The following NSD1 variants were observed in gnomAD, a reference collection of about 807,000 sequenced individuals.
The protein encoded by NSD1 is nuclear receptor binding SET domain protein 1.
A neutral mutation model predicts 242.7 loss-of-function variants in NSD1; 26 were observed. The observed-to-expected ratio is 0.11, with a 90% CI of 0.08 to 0.15. The LOEUF is 0.15. Ranked by LOEUF, NSD1 falls within the 10% of genes least tolerant of loss-of-function variation. The pLI is 1.00. For missense variants in NSD1, 2,495 were observed against 3,272.8 expected (o/e 0.76, Z 5.80); for synonymous variants, 1,106 against 1,178.1 (o/e 0.94, Z 1.25).
chr5:177,211,843 C>G lies in NSD1; in HGVS notation c.3444C>G (p.Leu1148=), dbSNP rs749212691. ...TAATGAACAGTGAGAATGATGAACT[C>G]AATGGTGTAAATCAAGTGGTGCCTA... ...DSVMNSENDE[L]NGVNQVVPKK... is the part of the protein sequence containing the mutation. The change falls in exon 5 of 23, where the codon CTC becomes CTG. Residue 1148 remains leucine (L), a synonymous_variant. Transcript: ENST00000439151. The G allele has an allele frequency of 2.5e-6, 4 of 1,613,916 alleles. No homozygotes were observed. Among genetic ancestry groups the G allele is most frequent in the Admixed American group, 3.3e-5 (2 of 59,956 alleles).
In NSD1 at chr5:177,134,967, G is replaced by T. The variant is rs772754236; in HGVS notation, c.-17-120G>T. On this transcript the variant is annotated intron_variant, in intron 1 of 22. Coordinates refer to ENST00000439151, the MANE Select transcript of NSD1 (RefSeq NM_022455.5). This position sits in a 1 kb window ranked among gnomAD's most constrained non-coding sequence, Gnocchi z 4.2. ...ATCTCCAGTCGGGGGAACTTTTTCT[G>T]CCCATGGAAGTGCAGCAGAAAGGCA... is the stretch of plus-strand genomic sequence containing the variant. 15 of 850,338 alleles carry T rather than the reference G, an allele frequency of 1.8e-5. No homozygotes were observed. Among genetic ancestry groups the T allele is most frequent in the Non-Finnish European group, 2.6e-5 (14 of 529,206 alleles). 52.7% of individuals were successfully genotyped at this position (850,338 alleles called of 1,614,324 possible).
At chr5:177,289,392 G>A (rs745937200) in intron 21 of NSD1, among the ~76,000 whole-genome samples, 2 of 152,038 alleles carry the variant, frequency 1.3e-5, no homozygotes, top group African/African-American at 4.8e-5. Context: ...CTAAGCATTC[G>A]GCTGATCAAT....
intron 5 of NSD1, among the ~76,000 whole-genome samples, chr5:177,218,058 A>G (rs1763926070): frequency 6.6e-6 from 1 of 151,952 alleles, no homozygotes; most frequent in Non-Finnish European, 1.5e-5. Flanking sequence ...GACTACAGCC[A>G]TGCACCACCA....
chr5:177,163,071 T>G (rs953277406), intron 2 of NSD1, among the ~76,000 whole-genome samples: 1 of 152,062 alleles, frequency 6.6e-6, no homozygotes, highest in Non-Finnish European at 1.5e-5. Context: ...AAAGTAAATG[T>G]GAAATAATTA....
At position 177,210,009 on chromosome 5, in the gene NSD1, T is replaced by C. The variant is rs1763204436; in HGVS notation, c.1610T>C (p.Phe537Ser). ...GKIPENLGLN[F>S]ISGDISDTQA... is the part of the protein sequence containing the mutation. ...ATTCCAGAGAACCTTGGCCTAAACTTTATCTCTGGGGATATATCTGATACG... is the reference window on the plus strand; with the variant it reads ...ATTCCAGAGAACCTTGGCCTAAACTCTATCTCTGGGGATATATCTGATACG... Residue 537 changes from phenylalanine to serine, a missense_variant, in exon 5 of 23, where the codon TTT becomes TCT. By Grantham distance (155) the Phe-to-Ser change is radical. Coordinates refer to ENST00000439151, the MANE Select transcript of NSD1 (RefSeq NM_022455.5). 1 of 1,614,140 alleles carries C rather than the reference T, an allele frequency of 6.2e-7. No homozygotes were observed. Among genetic ancestry groups the C allele is most frequent in the African/African-American group, 1.3e-5 (1 of 75,036 alleles).
At chr5:177,212,249 A>G (rs1763404849) in intron 5 of NSD1, 54 bp downstream of exon 5, 7 of 1,557,848 alleles carry the variant, frequency 4.5e-6, no homozygotes, top group Non-Finnish European at 6.1e-6. Context: ...GTGCTGATAA[A>G]CATTGTCCTT....
intron 9 of NSD1, among the ~76,000 whole-genome samples, chr5:177,245,149 C>G (rs1766178237): frequency 6.6e-6 from 1 of 152,098 alleles, no homozygotes; most frequent in Non-Finnish European, 1.5e-5. Flanking sequence ...AGGAACGATC[C>G]CTTGAACCCG....
intron 2 of NSD1, among the ~76,000 whole-genome samples, chr5:177,177,321 C>G (rs748814554): frequency 2.6e-5 from 4 of 152,018 alleles, no homozygotes; most frequent in Non-Finnish European, 5.9e-5. Flanking sequence ...TCAAGACCAG[C>G]CTTGCCAACC....
chr5:177,191,074 C>A (rs1367128251), intron 2 of NSD1, among the ~76,000 whole-genome samples: 1 of 149,766 alleles, frequency 6.7e-6, no homozygotes. Flanking sequence ...TCAAGCGATT[C>A]TCCTGTCTCA....
rs750331734 is a variant in NSD1 at position 177,209,657 on chromosome 5, A to G, written c.1258A>G (p.Lys420Glu). The G allele has an allele frequency of 6.2e-7, 1 of 1,614,022 alleles. No homozygotes were observed. The highest frequency in any genetic ancestry group is 8.5e-7 in the Non-Finnish European group (1 of 1,179,900). ...TAAGGTTCCTCAGAAAATTTTGAGTAAATGGGAAGCCAGTGTTGGACTTGC... is the reference window on the plus strand; with the variant it reads ...TAAGGTTCCTCAGAAAATTTTGAGTGAATGGGAAGCCAGTGTTGGACTTGC... ...RHKVPQKILS[K>E]WEASVGLAEQ... Residue 420 changes from lysine (K) to glutamate (E), a missense_variant, in exon 5 of 23, where the codon AAA becomes GAA. Physicochemically the swap from Lys to Glu is moderately conservative, Grantham distance 56. Coordinates refer to ENST00000439151, the MANE Select transcript of NSD1 (RefSeq NM_022455.5).
rs915736299 is a variant in NSD1 at position 177,297,488 on chromosome 5, T to A, written c.*2029T>A. ...CTAGTAGGTCCCTTTCCCTAATCTT[T>A]TAGGTCATATGAGTAGGGTTTGCTT... is the stretch of plus-strand genomic sequence containing the variant. On this transcript the variant is annotated 3_prime_UTR_variant, in exon 23 of 23. Coordinates refer to ENST00000439151, the MANE Select transcript of NSD1 (RefSeq NM_022455.5). 1 of 229,850 alleles carries A rather than the reference T, an allele frequency of 4.4e-6. No homozygotes were observed. Among genetic ancestry groups the A allele is most frequent in the Non-Finnish European group, 8.6e-6 (1 of 116,030 alleles). The allele number at this position is 229,850 out of a possible 1,614,324, so 14.2% of individuals were successfully genotyped here.
At chr5:177,268,502 A>G (rs957721361) in intron 15 of NSD1, among the ~76,000 whole-genome samples, 1 of 152,142 alleles carries the variant, frequency 6.6e-6, no homozygotes, top group African/African-American at 2.4e-5. Context: ...ATATATTTTG[A>G]TTGAATATGG....
Position 177,288,920 on chromosome 5 carries a change from C to T in NSD1, c.6253C>T (p.Pro2085Ser). Reference protein sequence around the residue: ...PNCSGFLGVRPKNQPIATEEK... With the variant: ...PNCSGFLGVRSKNQPIATEEK... ...CTGCAGTGGCTTCTTGGGTGTAAGG[C>T]CAAAGGTACCACCCTTCTAGACTTC... Residue 2085 changes from proline to serine, a missense_variant, in exon 21 of 23, where the codon CCA becomes TCA. By Grantham distance (74) the Pro-to-Ser change is moderately conservative. Around this residue, in one of 19 missense-constraint regions of NSD1, gnomAD observed 26 missense variants for 119.1 expected, o/e 0.22. Coordinates refer to ENST00000439151, the MANE Select transcript of NSD1 (RefSeq NM_022455.5). The T allele has an allele frequency of 6.2e-7, 1 of 1,611,034 alleles. No individual in the cohort carries two copies. The highest frequency in any genetic ancestry group is 8.5e-7 in the Non-Finnish European group (1 of 1,177,218).
chr5:177,270,059 C>T (rs1219154398), intron 16 of NSD1, among the ~76,000 whole-genome samples: 1 of 152,126 alleles, frequency 6.6e-6, no homozygotes, highest in Non-Finnish European at 1.5e-5. Context: ...AGCATTCCAT[C>T]AAATAATGGA....
At chr5:177,167,139 G>C (rs1759271252) in intron 2 of NSD1, among the ~76,000 whole-genome samples, 1 of 152,136 alleles carries the variant, frequency 6.6e-6, no homozygotes, top group Non-Finnish European at 1.5e-5. Flanking sequence ...GTGTTGAAGA[G>C]ACTATTATTC....
chr5:177,238,198 T>C lies in NSD1; in HGVS notation c.3922-39T>C. On this transcript the variant is annotated intron_variant, in intron 6 of 22. Coordinates refer to ENST00000439151, the MANE Select transcript of NSD1 (RefSeq NM_022455.5). The surrounding 1 kb of genome is among the most constrained non-coding windows in gnomAD (Gnocchi z 4.6). ...CTTTTTGACACTTAAATTACAACAA[T>C]TTTGGCCTGTGGACTCTATTTTTAT... 1.2e-6 allele frequency: 2 copies of C among 1,611,988 alleles called. No homozygotes were observed. Among genetic ancestry groups the C allele is most frequent in the South Asian group, 2.2e-5 (2 of 91,024 alleles).
At chr5:177,242,393 TGAG>T (rs1347340575) in intron 8 of NSD1, among the ~76,000 whole-genome samples, 5 of 152,120 alleles carry the variant, frequency 3.3e-5, no homozygotes, top group Non-Finnish European at 7.4e-5. Flanking sequence ...ATAGTGAACG[TGAG>T]GAGAATTGCA....
At chr5:177,181,192 G>A (rs1036598239) in intron 2 of NSD1, among the ~76,000 whole-genome samples, 1 of 151,838 alleles carries the variant, frequency 6.6e-6, no homozygotes, top group Non-Finnish European at 1.5e-5. Context: ...ACCAAAGTAC[G>A]AGAATCACTT....
chr5:177,210,730 A>C lies in NSD1; in HGVS notation c.2331A>C (p.Leu777=), dbSNP rs772447375. 7.4e-6 allele frequency: 12 copies of C among 1,614,104 alleles called. No homozygotes were observed. In the Admixed American group the frequency reaches 1.8e-4, roughly 25 times the overall value. ...AGGGTGGGGCAGCAAATCAAGCTCTATTACATTCGAAAAGCAAACAGCCCA... is the reference window on the plus strand; with the variant it reads ...AGGGTGGGGCAGCAAATCAAGCTCTCTTACATTCGAAAAGCAAACAGCCCA... ...LIKGGAANQA[L]LHSKSKQPKF... is the part of the protein sequence containing the mutation. Residue 777 remains leucine (L), a synonymous_variant, in exon 5 of 23, where the codon CTA becomes CTC. Transcript: ENST00000439151.
Sources: allele counts gnomAD v4.1 joint callset (sites outside exome capture counted in the v4.1 genomes callset), GRCh38; gene constraint gnomAD v4.1.1; regional missense constraint gnomAD v4.1.1; non-coding constraint Gnocchi (gnomAD v3.1); transcripts MANE v1.5; gene names NCBI Gene and HGNC (gene_info 2026-07-23, HGNC 2026-07-21).